Variants in TBC1D15 observed in about 807,000 individuals in gnomAD.
TBC1D15 encodes the protein TBC1 domain family member 15.
TBC1D15 carries 39 observed loss-of-function variants against 95.4 expected under a neutral mutation model. That is an observed-to-expected ratio of 0.41 (90% CI 0.32 to 0.53). The LOEUF is 0.53. TBC1D15 is among the 20% of genes least tolerant of loss of function. The pLI is 0.29. For synonymous variants in TBC1D15, 258 were observed against 261.3 expected (o/e 0.99, Z 0.12); for missense variants, 733 against 794.3 (o/e 0.92, Z 0.93).
chr12:71,899,952 C>T (rs892169257), intron 10 of TBC1D15, among the ~76,000 whole-genome samples: 2 of 151,920 alleles, frequency 1.3e-5, no homozygotes, highest in Admixed American at 6.6e-5. Flanking sequence ...GAGCGAGACC[C>T]CTTCTCAAAA....
At chr12:71,917,671 A>G in intron 12 of TBC1D15, 27 bp from the exon 13 acceptor site, 1 of 1,419,138 alleles carries the variant, frequency 7.0e-7, no homozygotes, top group Non-Finnish European at 9.9e-7. Context: ...ATTAAATATT[A>G]CTTGTAACAA....
chr12:71,918,737 C>T (rs184193070), intron 14 of TBC1D15, among the ~76,000 whole-genome samples, 189 bp downstream of exon 14: 3 of 152,256 alleles, frequency 2.0e-5, no homozygotes, highest in Admixed American at 1.3e-4. Context: ...TTTGGAGCTT[C>T]GTTCTTCAAA....
At chr12:71,874,021 A>G (rs1182343611) in intron 3 of TBC1D15, among the ~76,000 whole-genome samples, 2 of 152,172 alleles carry the variant, frequency 1.3e-5, no homozygotes, top group Non-Finnish European at 2.9e-5. Context: ...GTTCATGTCT[A>G]TCTGTCTGTT....
At chr12:71,863,586 C>T (rs1321738375) in intron 1 of TBC1D15, among the ~76,000 whole-genome samples, 1 of 152,114 alleles carries the variant, frequency 6.6e-6, no homozygotes. Flanking sequence ...TCTCTTCAGA[C>T]TTGGGAAGTT....
intron 10 of TBC1D15, among the ~76,000 whole-genome samples, chr12:71,904,011 C>T (rs956962334): frequency 5.3e-5 from 8 of 152,072 alleles, no homozygotes; most frequent in African/African-American, 1.9e-4. Context: ...TAAAATACAA[C>T]TTGGGAGGAA....
In TBC1D15 at chr12:71,862,857, A is replaced by G. The variant is rs12228051; in HGVS notation, c.31-9213A>G. Among the ~76,000 whole-genome samples the G allele has an allele frequency of 5.7e-3, 871 of 152,064 alleles. 37 individuals carry two copies. Among genetic ancestry groups the G allele is most frequent in the East Asian group, 6.2e-3 (32 of 5,180 alleles). ...GTATGTTTTCATGATAGTAATTTTC[A>G]TCTTTTTTTCCTTCCAGATATAGGA... is the stretch of plus-strand genomic sequence containing the variant. On this transcript the variant is annotated intron_variant, in intron 1 of 16. Coordinates refer to ENST00000485960, the MANE Select transcript of TBC1D15 (RefSeq NM_001146213.3).
intron 11 of TBC1D15, among the ~76,000 whole-genome samples, chr12:71,909,025 G>T (rs1172361290): frequency 6.6e-6 from 1 of 152,182 alleles, no homozygotes; most frequent in African/African-American, 2.4e-5. Flanking sequence ...CTCTCAGATG[G>T]TAATTTTGAG....
At chr12:71,862,090 T>C (rs1487324173) in intron 1 of TBC1D15, among the ~76,000 whole-genome samples, 1 of 152,196 alleles carries the variant, frequency 6.6e-6, no homozygotes, top group Non-Finnish European at 1.5e-5. Context: ...GTTTGTTTAG[T>C]GGTCTAACAT....
At chr12:71,906,170 A>G (rs1399727766) in intron 10 of TBC1D15, among the ~76,000 whole-genome samples, 5 of 151,924 alleles carry the variant, frequency 3.3e-5, no homozygotes, top group Non-Finnish European at 7.4e-5. Flanking sequence ...ACCACACCTG[A>G]CCTCCTCATC....
chr12:71,914,178 TCTA>T (rs1258672410), intron 12 of TBC1D15, among the ~76,000 whole-genome samples: 1 of 151,976 alleles, frequency 6.6e-6, no homozygotes, highest in Non-Finnish European at 1.5e-5. Flanking sequence ...ATGCTTATTT[TCTA>T]CTAAAGAGCC....
At position 71,918,617 on chromosome 12, in the gene TBC1D15, TA is replaced by T; in HGVS notation, c.1599+72del. ...AAGAAACAATTTATTCTGTAGAGTGTAAATGAATTATGATAGCCTTACTGAA... is the reference window on the plus strand; with the variant it reads ...AAGAAACAATTTATTCTGTAGAGTGTAATGAATTATGATAGCCTTACTGAA... On this transcript the variant is annotated intron_variant, in intron 14 of 16. Coordinates refer to ENST00000485960, the MANE Select transcript of TBC1D15 (RefSeq NM_001146213.3). 9 of 1,026,346 alleles carry T rather than the reference TA, an allele frequency of 8.8e-6. 1 individual carries two copies. In the South Asian group the frequency reaches 1.4e-4, roughly 16 times the overall value. 63.6% of individuals were successfully genotyped at this position (1,026,346 alleles called of 1,614,324 possible).
chr12:71,915,590 T>TC (rs1903521066), intron 12 of TBC1D15, among the ~76,000 whole-genome samples: 1 of 151,976 alleles, frequency 6.6e-6, no homozygotes, highest in African/African-American at 2.4e-5. Context: ...TACAGACGTG[T>TC]GTATATAGGT....
At position 71,917,802 on chromosome 12, in the gene TBC1D15, G is replaced by A. The variant is rs747819907; in HGVS notation, c.1501+5G>A. 2 of 1,587,294 alleles carry A rather than the reference G, an allele frequency of 1.3e-6. No individual in the cohort carries two copies. Among genetic ancestry groups the A allele is most frequent in the African/African-American group, 2.7e-5 (2 of 74,328 alleles). On this transcript the variant is annotated splice_donor_5th_base_variant and intron_variant, in intron 13 of 16. Coordinates refer to ENST00000485960, the MANE Select transcript of TBC1D15 (RefSeq NM_001146213.3). ...GTGGATTTTGCAGTTACTTAGGTAAGTTTAGTGAATCAGAACTATACCCAG... is the reference window on the plus strand; with the variant it reads ...GTGGATTTTGCAGTTACTTAGGTAAATTTAGTGAATCAGAACTATACCCAG...
At chr12:71,874,621 A>ATTTT (rs57095362) in intron 3 of TBC1D15, among the ~76,000 whole-genome samples, 2 of 122,312 alleles carry the variant, frequency 1.6e-5, no homozygotes, top group African/African-American at 3.1e-5. Flanking sequence ...TATATTTACT[A>ATTTT]TTTTTTTTTT....
At chr12:71,901,109 C>T (rs919971175) in intron 10 of TBC1D15, among the ~76,000 whole-genome samples, 1 of 152,178 alleles carries the variant, frequency 6.6e-6, no homozygotes, top group Non-Finnish European at 1.5e-5. Flanking sequence ...TAATTCACTG[C>T]AGCTGGGCTC....
In TBC1D15 at chr12:71,884,886, A is replaced by G. The variant is rs1401397419; in HGVS notation, c.419A>G (p.Gln140Arg). Reference protein sequence around the residue: ...FSLTDLKSIKQNKEGMGWSYL... With the variant: ...FSLTDLKSIKRNKEGMGWSYL... ...TTGACAGACCTGAAATCAATCAAGC[A>G]AAACAAAGAGGGTATGGGCTGGTCC... The change falls in exon 5 of 17, where the codon CAA (glutamine) becomes CGA (arginine). Residue 140 changes from glutamine to arginine, a missense_variant. Physicochemically the swap from Gln to Arg is conservative, Grantham distance 43. Transcript: ENST00000485960. 6.2e-7 allele frequency: 1 copy of G among 1,614,002 alleles called. No individual in the cohort carries two copies. The highest frequency in any genetic ancestry group is 1.3e-5 in the African/African-American group (1 of 74,950).
At chr12:71,877,364 T>C (rs1487300200) in intron 3 of TBC1D15, among the ~76,000 whole-genome samples, 1 of 151,814 alleles carries the variant, frequency 6.6e-6, no homozygotes, top group African/African-American at 2.4e-5. Context: ...TTCTGTCTTT[T>C]TTTTTTAATT....
At chr12:71,911,456 A>C (rs1902290460) in intron 11 of TBC1D15, among the ~76,000 whole-genome samples, 1 of 135,566 alleles carries the variant, frequency 7.4e-6, no homozygotes, top group Non-Finnish European at 1.5e-5. Flanking sequence ...AAAAATGATG[A>C]GTTCATGTCC....
chr12:71,902,159 G>C (rs1899535022), intron 10 of TBC1D15, among the ~76,000 whole-genome samples: 1 of 152,116 alleles, frequency 6.6e-6, no homozygotes. Flanking sequence ...TGGCCGTACT[G>C]CCCAAAGCTA....
Sources: allele counts gnomAD v4.1 joint callset (sites outside exome capture counted in the v4.1 genomes callset), GRCh38; gene constraint gnomAD v4.1.1; transcripts MANE v1.5; gene names NCBI Gene and HGNC (gene_info 2026-07-23, HGNC 2026-07-21).